Variants in CSGALNACT1 observed in about 807,000 individuals in gnomAD.
The protein encoded by CSGALNACT1 is beta4GalNAcT-1.
In CSGALNACT1, 52 loss-of-function variants were observed where a neutral mutation model predicts 51.0. The observed-to-expected ratio is 1.02, with a 90% CI of 0.82 to 1.29. The LOEUF is 1.29. CSGALNACT1 is among the 50% of genes most tolerant of loss of function. CSGALNACT1 has a pLI of 0.00. For synonymous variants in CSGALNACT1, 341 were observed against 254.4 expected (o/e 1.34, Z -3.24); for missense variants, 935 against 679.2 (o/e 1.38, Z -4.19).
intron 1 of CSGALNACT1, among the ~76,000 whole-genome samples, chr8:19,756,045 C>A (rs2154255425): frequency 6.6e-6 from 1 of 152,246 alleles, no homozygotes; most frequent in Non-Finnish European, 1.5e-5. Context: ...CATAAAAATT[C>A]ATCTTGCCTT....
At chr8:19,640,795 A>G (rs957769069) in intron 1 of CSGALNACT1, among the ~76,000 whole-genome samples, 1 of 152,108 alleles carries the variant, frequency 6.6e-6, no homozygotes, top group African/African-American at 2.4e-5. Flanking sequence ...ACAATTCTAC[A>G]CTTGAAAAAA....
intron 3 of CSGALNACT1, among the ~76,000 whole-genome samples, chr8:19,565,860 G>A (rs551042503): frequency 4.6e-5 from 7 of 152,304 alleles, no homozygotes; most frequent in South Asian, 2.1e-4. Flanking sequence ...GCAGTGAGCC[G>A]AGATCGTGCC....
intron 1 of CSGALNACT1, among the ~76,000 whole-genome samples, chr8:19,616,899 G>T: frequency 6.6e-6 from 1 of 152,200 alleles, no homozygotes; most frequent in South Asian, 2.1e-4. Flanking sequence ...TTTCCCACGG[G>T]GGTGGGGCAG....
chr8:19,438,306 T>C (rs969454795), intron 6 of CSGALNACT1, among the ~76,000 whole-genome samples: 4 of 152,158 alleles, frequency 2.6e-5, no homozygotes, highest in Non-Finnish European at 5.9e-5. Context: ...TCCGGGAAAC[T>C]TTAAAGAACC....
At chr8:19,566,806 T>G (rs2041993495) in intron 3 of CSGALNACT1, among the ~76,000 whole-genome samples, 1 of 152,200 alleles carries the variant, frequency 6.6e-6, no homozygotes, top group African/African-American at 2.4e-5. Flanking sequence ...AACAACAGGC[T>G]ACCCCTCAAC....
At chr8:19,609,599 G>T (rs534665395) in intron 1 of CSGALNACT1, among the ~76,000 whole-genome samples, 25 of 148,632 alleles carry the variant, frequency 1.7e-4, no homozygotes, top group African/African-American at 5.7e-4. Flanking sequence ...AATACATACT[G>T]TATGATTCCA....
In CSGALNACT1 at chr8:19,408,799, A is replaced by C; in HGVS notation, c.1228-105T>G. ...CGTGGAGTGTGGAGCCCATCCCATCACTGATAAACAGCCTCCACTGGTGCA... is the reference window on the plus strand; with the variant it reads ...CGTGGAGTGTGGAGCCCATCCCATCCCTGATAAACAGCCTCCACTGGTGCA... On this transcript the variant is annotated intron_variant, in intron 8 of 9. Transcript: ENST00000454498. 3.2e-6 allele frequency: 3 copies of C among 943,068 alleles called. No homozygotes were observed. In the South Asian group the frequency reaches 3.9e-5, roughly 12 times the overall value. 58.4% of individuals were successfully genotyped at this position (943,068 alleles called of 1,614,324 possible).
intron 4 of CSGALNACT1, among the ~76,000 whole-genome samples, chr8:19,496,764 C>G (rs932030870): frequency 1.3e-5 from 2 of 152,136 alleles, no homozygotes; most frequent in Non-Finnish European, 2.9e-5. Context: ...AAAAAGAAAT[C>G]AACGACCTAA....
chr8:19,589,764 T>A (rs537217086), intron 3 of CSGALNACT1, among the ~76,000 whole-genome samples: 12 of 152,354 alleles, frequency 7.9e-5, no homozygotes, highest in African/African-American at 2.9e-4. Flanking sequence ...GGTATGTTAG[T>A]ACAGTCCTGG....
chr8:19,605,047 C>G, upstream of CSGALNACT1, among the ~76,000 whole-genome samples: 1 of 152,132 alleles, frequency 6.6e-6, no homozygotes, highest in Non-Finnish European at 1.5e-5. Flanking sequence ...ACCCTGATCC[C>G]CTATAATTCC....
intron 4 of CSGALNACT1, among the ~76,000 whole-genome samples, chr8:19,499,442 C>A (rs1213262559): frequency 6.6e-6 from 1 of 152,152 alleles, no homozygotes; most frequent in Non-Finnish European, 1.5e-5. Context: ...ATGAGTGCAA[C>A]CTTCCACCCA....
At chr8:19,571,473 CAA>C (rs5889875) in intron 3 of CSGALNACT1, among the ~76,000 whole-genome samples, 2 of 136,532 alleles carry the variant, frequency 1.5e-5, no homozygotes, top group African/African-American at 5.2e-5. Flanking sequence ...AAAACAAAAA[CAA>C]AAAAAAAAAA....
chr8:19,492,536 G>A (rs147573864), intron 4 of CSGALNACT1, among the ~76,000 whole-genome samples: 1 of 152,296 alleles, frequency 6.6e-6, no homozygotes, highest in East Asian at 1.9e-4. Flanking sequence ...CTACCCTGCT[G>A]GAGCTAGCCT....
intron 3 of CSGALNACT1, among the ~76,000 whole-genome samples, chr8:19,560,335 G>C (rs1664825532): frequency 1.3e-5 from 2 of 152,216 alleles, no homozygotes; most frequent in African/African-American, 4.8e-5. Flanking sequence ...AGCTAGGAAA[G>C]GACTTCTTTA....
At chr8:19,441,103 T>C (rs1179034774) in intron 5 of CSGALNACT1, among the ~76,000 whole-genome samples, 5 of 152,174 alleles carry the variant, frequency 3.3e-5, no homozygotes, top group Non-Finnish European at 5.9e-5. Context: ...TCCATGCTCA[T>C]GGGTAGGAAG....
chr8:19,745,996 G>A (rs566760396), intron 1 of CSGALNACT1, among the ~76,000 whole-genome samples: 2 of 152,238 alleles, frequency 1.3e-5, no homozygotes, highest in African/African-American at 4.8e-5. Flanking sequence ...GCTCAGACTT[G>A]GTGATCTGGT....
At chr8:19,548,493 C>T (rs1337105568) in intron 3 of CSGALNACT1, among the ~76,000 whole-genome samples, 1 of 152,050 alleles carries the variant, frequency 6.6e-6, no homozygotes, top group African/African-American at 2.4e-5. Flanking sequence ...GCATTATTCA[C>T]ATGAAACTAA....
intron 1 of CSGALNACT1, among the ~76,000 whole-genome samples, chr8:19,745,405 A>C (rs905505958): frequency 6.6e-6 from 1 of 152,216 alleles, no homozygotes; most frequent in African/African-American, 2.4e-5. Flanking sequence ...ATACATGCTC[A>C]CAATGTGTAA....
chr8:19,598,638 A>G (rs2049499951), intron 2 of CSGALNACT1, among the ~76,000 whole-genome samples: 2 of 152,184 alleles, frequency 1.3e-5, no homozygotes, highest in African/African-American at 2.4e-5. Context: ...GCGGAACTGC[A>G]AAGGGCCTAT....
Sources: allele counts gnomAD v4.1 joint callset (sites outside exome capture counted in the v4.1 genomes callset), GRCh38; gene constraint gnomAD v4.1.1; transcripts MANE v1.5; gene names NCBI Gene and HGNC (gene_info 2026-07-23, HGNC 2026-07-21).